Variants in MYB observed in about 807,000 individuals in gnomAD.
The protein encoded by MYB is MYB proto-oncogene, transcription factor, also known as transcriptional activator Myb.
In MYB, 28 loss-of-function variants were observed where a neutral mutation model predicts 92.9. The ratio of observed to expected loss-of-function variants is 0.30; its 90% CI spans 0.22 to 0.41. The LOEUF is 0.41. Ranked by LOEUF, MYB falls within the 10% of genes least tolerant of loss-of-function variation. MYB has a pLI of 1.00. For synonymous variants in MYB, 295 were observed against 329.1 expected (o/e 0.90, Z 1.12); for missense variants, 679 against 929.3 (o/e 0.73, Z 3.50).
chr6:135,212,972 T>A (rs1311368219), intron 15 of MYB, among the ~76,000 whole-genome samples: 1 of 152,214 alleles, frequency 6.6e-6, no homozygotes, highest in African/African-American at 2.4e-5. Context: ...TGTACCAAAG[T>A]ACTCAATCTT....
Position 135,185,903 on chromosome 6 carries a change from C to T in MYB, c.24C>T (p.Ser8=). 6.2e-7 allele frequency: 1 copy of T among 1,609,992 alleles called. No individual in the cohort carries two copies. The change falls in exon 2 of 16, where the codon AGC becomes AGT. Residue 8 remains serine, a splice_region_variant and synonymous_variant. Coordinates refer to ENST00000341911, the MANE Select transcript of MYB (RefSeq NM_001130173.2). MARRPRH[S]IYSSDEDDED... is the part of the protein sequence containing the mutation. Reference sequence around the variant, plus strand: ...CGTCTACCCATTCTTATTTCTGCAGCATATATAGCAGTGACGAGGATGATG... The same window carrying T: ...CGTCTACCCATTCTTATTTCTGCAGTATATATAGCAGTGACGAGGATGATG...
At position 135,196,015 on chromosome 6, in the gene MYB, G is replaced by A. The variant is rs1431296908; in HGVS notation, c.1203+13G>A. 6.2e-7 allele frequency: 1 copy of A among 1,607,856 alleles called. No homozygotes were observed. The highest frequency in any genetic ancestry group is 2.2e-5 in the East Asian group (1 of 44,776). On this transcript the variant is annotated intron_variant, in intron 9 of 15. Coordinates refer to ENST00000341911, the MANE Select transcript of MYB (RefSeq NM_001130173.2). The stretch of plus-strand genomic sequence containing the variant: ...ATTTATAGATTCTGTAAGTAGAATT[G>A]TGAAGGGAAGTTAACGATTCTGGAA...
At chr6:135,216,922 C>A (rs867764921) in intron 15 of MYB, among the ~76,000 whole-genome samples, 2 of 152,172 alleles carry the variant, frequency 1.3e-5, no homozygotes, top group South Asian at 4.1e-4. Context: ...TTTTCTGTCT[C>A]CATTCTCGAG....
At position 135,197,225 on chromosome 6, in the gene MYB, T is replaced by G; in HGVS notation, c.1468T>G (p.Leu490Val). 1 of 1,614,004 alleles carries G rather than the reference T, an allele frequency of 6.2e-7. No homozygotes were observed. Among genetic ancestry groups the G allele is most frequent in the African/African-American group, 1.3e-5 (1 of 75,056 alleles). Residue 490 changes from leucine (L) to valine (V), a missense_variant, in exon 10 of 16, where the codon TTA (leucine) becomes GTA (valine). By Grantham distance (32) the Leu-to-Val change is conservative (BLOSUM62 1). Around this residue, in one of 8 missense-constraint regions of MYB, gnomAD observed 402 missense variants for 434.2 expected, o/e 0.93. Transcript: ENST00000341911. ...AAAAAAACGGGGCCAGGCCAGCCCC[T>G]TAGCCACTGGAGACTGTAGCTCCTT... Reference protein sequence around the residue: ...LRKKRGQASPLATGDCSSFIF... With the variant: ...LRKKRGQASPVATGDCSSFIF...
chr6:135,195,614 C>T (rs2128295929), intron 8 of MYB, 134 bp from the exon 9 acceptor site: 1 of 937,470 alleles, frequency 1.1e-6, no homozygotes, highest in Non-Finnish European at 1.6e-6. Flanking sequence ...GTTTCATAGG[C>T]GTAAGTTTGG....
chr6:135,201,576 C>G (rs1778099334), intron 13 of MYB, 63 bp from the exon 14 acceptor site: 4 of 1,112,546 alleles, frequency 3.6e-6, no homozygotes, highest in Non-Finnish European at 5.3e-6. Context: ...GAAATATACT[C>G]CTGACTGTAC....
At chr6:135,214,600 T>G (rs1482317040) in intron 15 of MYB, among the ~76,000 whole-genome samples, 1 of 152,254 alleles carries the variant, frequency 6.6e-6, no homozygotes, top group African/African-American at 2.4e-5. Flanking sequence ...TGGCTCCATG[T>G]GCATCTAATC....
At chr6:135,206,183 G>A (rs1778846112) in intron 15 of MYB, among the ~76,000 whole-genome samples, 1 of 133,108 alleles carries the variant, frequency 7.5e-6, no homozygotes, top group Admixed American at 8.3e-5. Flanking sequence ...TCCGGCCTGG[G>A]TGACTGAGCG....
Position 135,181,606 on chromosome 6 carries a change from G to T in MYB, c.23+70G>T, listed in dbSNP as rs533054622. The T allele has an allele frequency of 3.4e-5, 35 of 1,041,604 alleles. No individual in the cohort carries two copies. Among genetic ancestry groups the T allele is most frequent in the Middle Eastern group, 2.7e-4 (1 of 3,710 alleles). 64.5% of individuals were successfully genotyped at this position (1,041,604 alleles called of 1,614,324 possible). ...GGCGCGCGGGGCGCCAGGCTCCCGGGAGCAGGTGGGAATTCGTTCCGGGAT... is the reference window on the plus strand; with the variant it reads ...GGCGCGCGGGGCGCCAGGCTCCCGGTAGCAGGTGGGAATTCGTTCCGGGAT... On this transcript the variant is annotated intron_variant, in intron 1 of 15. Transcript: ENST00000341911. This position sits in a 1 kb window ranked among gnomAD's most constrained non-coding sequence, Gnocchi z 5.3.
In MYB at chr6:135,190,119, A is replaced by T. The variant is rs1427733102; in HGVS notation, c.307-8A>T. On this transcript the variant is annotated splice_region_variant and splice_polypyrimidine_tract_variant and intron_variant, in intron 4 of 15. Coordinates refer to ENST00000341911, the MANE Select transcript of MYB (RefSeq NM_001130173.2). This position sits in a 1 kb window ranked among gnomAD's most constrained non-coding sequence, Gnocchi z 4.5. ...AAACATAGGTTATTTTTGTGTGTTT[A>T]TCTGAAGGTGATAGAGCTTGTACAG... 6.8e-6 allele frequency: 11 copies of T among 1,612,928 alleles called. No homozygotes were observed. The highest frequency in any genetic ancestry group is 9.3e-6 in the Non-Finnish European group (11 of 1,179,024).
At chr6:135,186,284 C>T (rs1360128472) in intron 2 of MYB, among the ~76,000 whole-genome samples, 1 of 152,096 alleles carries the variant, frequency 6.6e-6, no homozygotes, top group African/African-American at 2.4e-5. Context: ...TCCTTTTGTC[C>T]CACCTCTTCT....
Position 135,200,304 on chromosome 6 carries a change from T to G in MYB, c.1839T>G (p.Ser613=), listed in dbSNP as rs762599856. 1 of 1,614,090 alleles carries G rather than the reference T, an allele frequency of 6.2e-7. No individual in the cohort carries two copies. The highest frequency in any genetic ancestry group is 8.5e-7 in the Non-Finnish European group (1 of 1,180,006). Residue 613 remains serine, a synonymous_variant, in exon 13 of 16, where the codon TCT becomes TCG. Transcript: ENST00000341911. ...CTTCCGTTTAGCCTCAGACACCCTC[T>G]CATCTAGTAGAAGATCTGCAGGATG... The part of the protein sequence containing the change: ...GPLKMLPQTP[S]HLVEDLQDVI...
Position 135,192,387 on chromosome 6 carries a change from T to G in MYB, c.591T>G (p.Gly197=), listed in dbSNP as rs778307358. The change falls in exon 6 of 16, where the codon GGT becomes GGG. Residue 197 remains glycine (G), a synonymous_variant. Transcript: ENST00000341911. The part of the protein sequence containing the change: ...STMRRKVEQE[G]YLQESSKASQ... ...TGCGTCGGAAGGTCGAACAGGAAGGTTATCTGCAGGAGTCTTCAAAAGCCA... is the reference window on the plus strand; with the variant it reads ...TGCGTCGGAAGGTCGAACAGGAAGGGTATCTGCAGGAGTCTTCAAAAGCCA... 9 of 1,614,114 alleles carry G rather than the reference T, an allele frequency of 5.6e-6. No individual in the cohort carries two copies. The Admixed American group carries it at 1.5e-4, about 27-fold the overall frequency.
intron 8 of MYB, 115 bp from the exon 9 acceptor site, chr6:135,195,633 A>C: frequency 1.7e-6 from 2 of 1,197,684 alleles, no homozygotes. Flanking sequence ...GGGATGATGC[A>C]ACTACTCTTA....
intron 7 of MYB, 64 bp from the exon 8 acceptor site, chr6:135,194,292 A>G (rs1451815638): frequency 8.0e-7 from 1 of 1,242,310 alleles, no homozygotes; most frequent in East Asian, 2.3e-5. Flanking sequence ...TATTGGCTAC[A>G]CCCATTGTAT....
chr6:135,191,175 A>G (rs1486965539), intron 5 of MYB, among the ~76,000 whole-genome samples: 1 of 152,206 alleles, frequency 6.6e-6, no homozygotes, highest in Non-Finnish European at 1.5e-5. Context: ...GAATTCTCAT[A>G]CTACTTCCAG....
rs186775025 is a variant in MYB, at chr6:135,203,977, T to A, written c.2169+653T>A. On this transcript the variant is annotated intron_variant, in intron 15 of 15. Coordinates refer to ENST00000341911, the MANE Select transcript of MYB (RefSeq NM_001130173.2). The stretch of plus-strand genomic sequence containing the variant: ...ATGTAAATAAGAATGCAAATTTTGC[T>A]TCCCTAAATTATTTAAAGCAGTTTC... 93 of 976,316 alleles carry A rather than the reference T, an allele frequency of 9.5e-5. No individual in the cohort carries two copies. The African/African-American group carries it at 1.6e-3, about 16-fold the overall frequency. The allele number at this position is 976,316 out of a possible 1,614,324, so 60.5% of individuals were successfully genotyped here.
Position 135,198,971 on chromosome 6 carries a change from C to G in MYB, c.1630C>G (p.Pro544Ala), listed in dbSNP as rs755029331. 4 of 1,611,420 alleles carry G rather than the reference C, an allele frequency of 2.5e-6. No homozygotes were observed. The Admixed American group carries it at 6.7e-5, about 27-fold the overall frequency. The change falls in exon 11 of 16, where the codon CCC (proline) becomes GCC (alanine). Residue 544 changes from proline to alanine, a missense_variant. Pro to Ala is a conservative substitution (Grantham distance 27). Coordinates refer to ENST00000341911, the MANE Select transcript of MYB (RefSeq NM_001130173.2). ...GGAAATGCCTTCTTTAACTTCCACC[C>G]CCCTCATTGGTCACAAATTGACTGT... is the stretch of plus-strand genomic sequence containing the variant. ...DLEMPSLTST[P>A]LIGHKLTVTT...
At chr6:135,189,452 GA>G (rs1776360672) in intron 3 of MYB, among the ~76,000 whole-genome samples, 1 of 152,164 alleles carries the variant, frequency 6.6e-6, no homozygotes. Context: ...TGACAACATA[GA>G]ATCTCTATCA....
Sources: allele counts gnomAD v4.1 joint callset (sites outside exome capture counted in the v4.1 genomes callset), GRCh38; gene constraint gnomAD v4.1.1; regional missense constraint gnomAD v4.1.1; non-coding constraint Gnocchi (gnomAD v3.1); transcripts MANE v1.5; gene names NCBI Gene and HGNC (gene_info 2026-07-23, HGNC 2026-07-21).